Variants in CHD1 observed in about 807,000 individuals in gnomAD.
The protein encoded by CHD1 is ATP-dependent chromatin remodeler CHD1.
CHD1 carries 36 observed loss-of-function variants against 224.2 expected under a neutral mutation model. The ratio of observed to expected loss-of-function variants is 0.16; its 90% CI spans 0.12 to 0.21. The LOEUF is 0.21. Ranked by LOEUF, CHD1 falls within the 10% of genes least tolerant of loss-of-function variation. The probability of loss-of-function intolerance (pLI) is 1.00; values close to 1 mark genes in which losing one functional copy is unlikely to be tolerated. For missense variants in CHD1, 1,378 were observed against 1,994.8 expected (o/e 0.69, Z 5.89); for synonymous variants, 668 against 658.3 (o/e 1.01, Z -0.23).
Position 98,868,254 on chromosome 5 carries a change from G to A in CHD1, c.4248+241C>T, listed in dbSNP as rs1240933406. ...AGGCAGGAGGGGCACTTGAGCCCAG[G>A]AGGTTGAAGCCGCAATGGGCCGTGA... On this transcript the variant is annotated intron_variant, in intron 31 of 35. Transcript: ENST00000614616. Among the ~76,000 whole-genome samples the A allele has an allele frequency of 4.6e-5, 7 of 150,642 alleles. No individual in the cohort carries two copies. In the East Asian group the frequency reaches 9.9e-4, roughly 21 times the overall value.
At chr5:98,897,374 C>A (rs1412902176) in intron 10 of CHD1, 54 bp from the exon 11 acceptor site, 24 of 1,272,004 alleles carry the variant, frequency 1.9e-5, no homozygotes, top group Non-Finnish European at 2.5e-5. Flanking sequence ...AGAAATTATA[C>A]TAAAAGATGA....
chr5:98,884,160 G>A (rs1336463538), intron 18 of CHD1, among the ~76,000 whole-genome samples: 4 of 148,172 alleles, frequency 2.7e-5, no homozygotes, highest in Admixed American at 6.7e-5. Context: ...TGCAAGCTCC[G>A]CCTCCCGGGT....
chr5:98,906,277 T>G (rs1752045552), intron 2 of CHD1, among the ~76,000 whole-genome samples: 1 of 152,174 alleles, frequency 6.6e-6, no homozygotes, highest in African/African-American at 2.4e-5. Flanking sequence ...AAAATTTGCT[T>G]CTTAAAGGCA....
intron 31 of CHD1, 110 bp downstream of exon 31, chr5:98,868,385 T>G: frequency 1.4e-6 from 1 of 689,666 alleles, no homozygotes; most frequent in Non-Finnish European, 2.2e-6. Flanking sequence ...ATTGCTTTTA[T>G]CAATCTACAA....
intron 16 of CHD1, 78 bp downstream of exon 16, chr5:98,888,998 T>C (rs986760020): frequency 3.3e-5 from 32 of 959,264 alleles, no homozygotes; most frequent in African/African-American, 1.6e-4. Flanking sequence ...AGTTAAAGCA[T>C]TGAGCCATTT....
chr5:98,893,927 T>C (rs1159135824), intron 13 of CHD1, among the ~76,000 whole-genome samples: 6 of 152,148 alleles, frequency 3.9e-5, no homozygotes, highest in Non-Finnish European at 7.4e-5. Flanking sequence ...AATAGAAGCC[T>C]CTATTAATGT....
At chr5:98,899,311 T>A (rs1751541255) in intron 8 of CHD1, among the ~76,000 whole-genome samples, 169 bp downstream of exon 8, 1 of 152,168 alleles carries the variant, frequency 6.6e-6, no homozygotes, top group South Asian at 2.1e-4. Flanking sequence ...CAATCCATGG[T>A]TGGTTGAAAC....
At position 98,870,877 on chromosome 5, in the gene CHD1, A is replaced by G. The variant is rs1310765978; in HGVS notation, c.3862-74T>C. On this transcript the variant is annotated intron_variant, in intron 28 of 35. Transcript: ENST00000614616. The stretch of plus-strand genomic sequence containing the variant: ...AAATGTACTGGCTAAAAAATGCTTA[A>G]CCATTTAAATATATATATAGTTCAC... The G allele has an allele frequency of 1.1e-5, 9 of 845,804 alleles. No homozygotes were observed. The East Asian group carries it at 2.3e-4, about 21-fold the overall frequency. The allele number at this position is 845,804 out of a possible 1,614,324, so 52.4% of individuals were successfully genotyped here.
rs370473736 is a variant in CHD1, at chr5:98,856,582, C to T, written c.4931G>A (p.Arg1644Gln). ...ATGGTGCGTATATTCAGAACTTGACCGGTGGTCTGAATGTAACCGATGATC... is the reference window on the plus strand; with the variant it reads ...ATGGTGCGTATATTCAGAACTTGACTGGTGGTCTGAATGTAACCGATGATC... ...HSDHRLHSDH[R>Q]SSSEYTHHKS... The change falls in exon 36 of 36, where the codon CGG (arginine) becomes CAG (glutamine). Residue 1644 changes from arginine to glutamine, a missense_variant. By Grantham distance (43) the Arg-to-Gln change is conservative (BLOSUM62 1). Coordinates refer to ENST00000614616, the MANE Select transcript of CHD1 (RefSeq NM_001270.4). 26 of 1,613,460 alleles carry T rather than the reference C, an allele frequency of 1.6e-5. No homozygotes were observed. The highest frequency in any genetic ancestry group is 8.9e-5 in the East Asian group (4 of 44,880).
At chr5:98,918,636 C>T (rs1752899122) in intron 2 of CHD1, among the ~76,000 whole-genome samples, 2 of 151,018 alleles carry the variant, frequency 1.3e-5, no homozygotes, top group East Asian at 4.0e-4. Context: ...GGCATGGTGA[C>T]GCGTGCCTGT....
intron 30 of CHD1, chr5:98,869,306 T>C (rs1009279871): frequency 1.0e-6 from 1 of 984,280 alleles, no homozygotes; most frequent in Non-Finnish European, 1.2e-6. Context: ...GCCAATGTAT[T>C]ACTAACCAAA....
rs1192338046 is a variant in CHD1 at position 98,901,332 on chromosome 5, T to C, written c.441A>G (p.Glu147=). 6.3e-7 allele frequency: 1 copy of C among 1,598,570 alleles called. No homozygotes were observed. The highest frequency in any genetic ancestry group is 8.5e-7 in the Non-Finnish European group (1 of 1,175,998). ...SEVKRKKHKD[E]DWQMSGSGSP... ...ATCCTGACCCAGACATTTGCCAATC[T>C]TCACTGCAGACAAAATTTATAAAGT... The change falls in exon 6 of 36, where the codon GAA becomes GAG. Residue 147 remains glutamate (E), a synonymous_variant. Coordinates refer to ENST00000614616, the MANE Select transcript of CHD1 (RefSeq NM_001270.4).
intron 5 of CHD1, among the ~76,000 whole-genome samples, chr5:98,901,963 T>C (rs1751745395): frequency 6.6e-6 from 1 of 152,144 alleles, no homozygotes; most frequent in South Asian, 2.1e-4. Context: ...CAGCTATGCT[T>C]CTGCTTCATT....
intron 17 of CHD1, among the ~76,000 whole-genome samples, chr5:98,886,820 G>A (rs746424289): frequency 6.6e-6 from 1 of 152,008 alleles, no homozygotes; most frequent in Non-Finnish European, 1.5e-5. Flanking sequence ...ACTGTGGCAT[G>A]ACCTAAACCA....
At chr5:98,913,848 C>T (rs1433542153) in intron 2 of CHD1, among the ~76,000 whole-genome samples, 3 of 151,896 alleles carry the variant, frequency 2.0e-5, no homozygotes, top group Admixed American at 1.3e-4. Flanking sequence ...AACAAGTGTA[C>T]AAGTTACGAA....
intron 4 of CHD1, among the ~76,000 whole-genome samples, chr5:98,903,444 A>G (rs184578490): frequency 1.5e-5 from 2 of 137,760 alleles, no homozygotes; most frequent in African/African-American, 3.0e-5. Context: ...ATTATTTCGT[A>G]CAAATATGAT....
intron 18 of CHD1, among the ~76,000 whole-genome samples, chr5:98,884,442 A>G (rs1321216910): frequency 6.6e-6 from 1 of 152,102 alleles, no homozygotes; most frequent in Non-Finnish European, 1.5e-5. Context: ...CTCACTTGTA[A>G]GAGGGAACTA....
chr5:98,878,102 G>A (rs1294283986), intron 23 of CHD1, among the ~76,000 whole-genome samples: 3 of 152,212 alleles, frequency 2.0e-5, no homozygotes. Flanking sequence ...TAATGGCTGA[G>A]TGTACGCTAT....
chr5:98,857,130 G>C (rs900253071), intron 35 of CHD1, among the ~76,000 whole-genome samples: 4 of 152,068 alleles, frequency 2.6e-5, no homozygotes, highest in Non-Finnish European at 5.9e-5. Context: ...GTTTAAAAAT[G>C]CTAGAATGCA....
Sources: gnomAD v4.1 joint callset for allele counts (sites outside exome capture counted in the v4.1 genomes callset) on GRCh38, gnomAD v4.1.1 for gene constraint, MANE v1.5 for transcripts, NCBI Gene and HGNC (gene_info 2026-07-23, HGNC 2026-07-21) for gene names.